The following ZRSR2 variants were observed in gnomAD, a reference collection of about 807,000 sequenced individuals.
ZRSR2 encodes the protein U2 small nuclear ribonucleoprotein auxiliary factor 35 kDa subunit-related protein 2.
ZRSR2 carries 3 observed loss-of-function variants against 39.4 expected under a neutral mutation model. The ratio of observed to expected loss-of-function variants is 0.08; its 90% CI spans 0.03 to 0.20. ZRSR2 has a LOEUF of 0.20. Ranked by LOEUF, ZRSR2 falls within the 10% of genes least tolerant of loss-of-function variation. The probability of loss-of-function intolerance (pLI) is 1.00; values close to 1 mark genes in which losing one functional copy is unlikely to be tolerated. For missense variants in ZRSR2, 256 were observed against 391.5 expected (o/e 0.65, Z 2.92); for synonymous variants, 137 against 136.0 (o/e 1.01, Z -0.05).
chrX:15,808,280 A>G lies in ZRSR2; in HGVS notation c.438+9A>G. 1.7e-6 allele frequency: 2 copies of G among 1,189,723 alleles called. No homozygotes were observed. The highest frequency in any genetic ancestry group is 2.3e-6 in the Non-Finnish European group (2 of 879,459). On this transcript the variant is annotated intron_variant, in intron 6 of 10. Transcript: ENST00000307771. ...ATCAGGCTGAAAATGAGGTATTTTT[A>G]AAACCTTACATTGATAATTTGAGAC...
At chrX:15,800,508 A>G (rs1188105545) in intron 3 of ZRSR2, among the ~76,000 whole-genome samples, 1 of 111,161 alleles carries the variant, frequency 9.0e-6, no homozygotes, top group Non-Finnish European at 1.9e-5. Flanking sequence ...TTGAAAACAG[A>G]AAAAAAACAA....
chrX:15,822,018 TCTCA>T (rs1380132097), intron 10 of ZRSR2, among the ~76,000 whole-genome samples: 1 of 108,813 alleles, frequency 9.2e-6, no homozygotes, highest in Non-Finnish European at 1.9e-5. Flanking sequence ...TGAGAGTGAG[TCTCA>T]CTCTGTCGCC....
intron 8 of ZRSR2, among the ~76,000 whole-genome samples, chrX:15,818,247 T>C (rs933816687): frequency 8.9e-6 from 1 of 112,798 alleles, no homozygotes; most frequent in Admixed American, 9.3e-5. Context: ...ACTGAGTCTT[T>C]AATGTTTTAC....
At chrX:15,800,412 C>T (rs927017250) in intron 3 of ZRSR2, among the ~76,000 whole-genome samples, 1 of 109,779 alleles carries the variant, frequency 9.1e-6, no homozygotes. Context: ...GTCTTGATCT[C>T]TTGTGATCAA....
At chrX:15,810,615 G>A (rs549257316) in intron 7 of ZRSR2, among the ~76,000 whole-genome samples, 2 of 109,003 alleles carry the variant, frequency 1.8e-5, no homozygotes, top group South Asian at 3.9e-4. Flanking sequence ...GAATTTAAGC[G>A]TTCACACCAT....
intron 5 of ZRSR2, among the ~76,000 whole-genome samples, chrX:15,806,688 A>G (rs1932786935): frequency 9.6e-6 from 1 of 103,818 alleles, no homozygotes; most frequent in African/African-American, 3.6e-5. Flanking sequence ...CGGCCTCCCA[A>G]AGTGCTCGTG....
chrX:15,807,893 A>G (rs773382455), intron 5 of ZRSR2, among the ~76,000 whole-genome samples: 35 of 109,327 alleles, frequency 3.2e-4, no homozygotes, highest in African/African-American at 1.1e-3. Flanking sequence ...TACAAAAGTT[A>G]TCCAGGCGTG....
intron 8 of ZRSR2, among the ~76,000 whole-genome samples, 153 bp downstream of exon 8, chrX:15,816,043 T>C (rs143843375): frequency 3.0e-3 from 336 of 111,981 alleles, no homozygotes; most frequent in Middle Eastern, 0.014. Flanking sequence ...CCCTACCTTG[T>C]TGCCAATGTC....
Position 15,815,538 on chromosome X carries a change from C to T in ZRSR2, c.558-139C>T, listed in dbSNP as rs185430913. ...GCCAGGCTGGTCTCGAACTCTGGACCTCAGGTGATTCACCCGCCTCGGCCT... is the reference window on the plus strand; with the variant it reads ...GCCAGGCTGGTCTCGAACTCTGGACTTCAGGTGATTCACCCGCCTCGGCCT... On this transcript the variant is annotated intron_variant, in intron 7 of 10. Coordinates refer to ENST00000307771, the MANE Select transcript of ZRSR2 (RefSeq NM_005089.4). The T allele has an allele frequency of 1.3e-3, 624 of 485,287 alleles. 6 individuals are homozygous for T. In the African/African-American group the frequency reaches 0.013, roughly 10 times the overall value. 40.0% of individuals were successfully genotyped at this position (485,287 alleles called of 1,213,427 possible).
At chrX:15,798,836 A>G (rs5978740) in intron 2 of ZRSR2, among the ~76,000 whole-genome samples, 84 of 111,886 alleles carry the variant, frequency 7.5e-4, no homozygotes, top group African/African-American at 2.6e-3. Context: ...TGCATACATC[A>G]TGAGACCTTT....
chrX:15,821,803 T>G (rs924848851), intron 10 of ZRSR2, among the ~76,000 whole-genome samples: 2 of 110,899 alleles, frequency 1.8e-5, no homozygotes, highest in African/African-American at 6.6e-5. Context: ...CTAACTGTTG[T>G]GCATATCTGG....
intron 7 of ZRSR2, among the ~76,000 whole-genome samples, chrX:15,811,138 G>C (rs148240338): frequency 0.018 from 1,983 of 110,241 alleles, 40 homozygotes; most frequent in African/African-American, 0.062. Flanking sequence ...ACTAAGAAAA[G>C]GAAAGAGACT....
At chrX:15,801,870 A>T (rs1044927217) in intron 3 of ZRSR2, 19 of 112,691 alleles carry the variant, frequency 1.7e-4, no homozygotes, top group Non-Finnish European at 2.4e-4. Context: ...CAAGAAAATT[A>T]TGTAAAAATA....
In ZRSR2 at chrX:15,823,235, C is replaced by A; in HGVS notation, c.1442C>A (p.Ser481Tyr). 1 of 1,149,649 alleles carries A rather than the reference C, an allele frequency of 8.7e-7. No individual in the cohort carries two copies. The highest frequency in any genetic ancestry group is 1.2e-6 in the Non-Finnish European group (1 of 867,148). 94.7% of individuals were successfully genotyped at this position (1,149,649 alleles called of 1,213,427 possible). A position where few individuals can be genotyped will look rare whatever the true frequency, so the allele number is the denominator to read the frequency against. Reference sequence around the variant, plus strand: ...GACAGAACTGTTCAGAGTCCCAAATCCAAATAAACTAGTTTTGTTCTTAAA... The same window carrying A: ...GACAGAACTGTTCAGAGTCCCAAATACAAATAAACTAGTTTTGTTCTTAAA... ...NRDRTVQSPK[S>Y]K The change falls in exon 11 of 11, where the codon TCC becomes TAC. Residue 481 changes from serine to tyrosine, a missense_variant. Transcript: ENST00000307771.
intron 2 of ZRSR2, 131 bp from the exon 3 acceptor site, chrX:15,799,741 T>C (rs1043925689): frequency 3.3e-5 from 14 of 423,529 alleles, no homozygotes; most frequent in African/African-American, 1.5e-4. Flanking sequence ...ATCAGAGACC[T>C]TTTTGTTAGA....
At chrX:15,794,891 C>T (rs1932398019) in intron 2 of ZRSR2, among the ~76,000 whole-genome samples, 1 of 111,711 alleles carries the variant, frequency 9.0e-6, no homozygotes, top group Non-Finnish European at 1.9e-5. Context: ...GAATAATTGG[C>T]CCTTCTGCCA....
chrX:15,799,825 C>T, intron 2 of ZRSR2, 47 bp from the exon 3 acceptor site: 1 of 888,058 alleles, frequency 1.1e-6, no homozygotes, highest in Non-Finnish European at 1.6e-6. Flanking sequence ...GAATTTTTGA[C>T]CAAGGATTTG....
At chrX:15,818,279 G>A (rs1309581093) in intron 8 of ZRSR2, among the ~76,000 whole-genome samples, 1 of 112,651 alleles carries the variant, frequency 8.9e-6, no homozygotes, top group East Asian at 2.8e-4. Context: ...TTCTCATTCA[G>A]AAGTGGAAAA....
rs1450998627 is a variant in ZRSR2, at chrX:15,792,083, G to C, written c.121+1070G>C. 2.7e-5 allele frequency among the ~76,000 whole-genome samples: 3 copies of C among 112,144 alleles called. No homozygotes were observed. The Admixed American group carries it at 2.8e-4, about 10-fold the overall frequency. On this transcript the variant is annotated intron_variant, in intron 2 of 10. Transcript: ENST00000307771. ...GGCCTCCCAAAGTGCTGGGATTATAGGCATGAGCCACCACACCTGACCTGA... is the reference window on the plus strand; with the variant it reads ...GGCCTCCCAAAGTGCTGGGATTATACGCATGAGCCACCACACCTGACCTGA...
Sources: allele counts gnomAD v4.1 joint callset (sites outside exome capture counted in the v4.1 genomes callset), GRCh38; gene constraint gnomAD v4.1.1; transcripts MANE v1.5; gene names NCBI Gene and HGNC (gene_info 2026-07-23, HGNC 2026-07-21).